PALD1: variants seen among roughly 807,000 people sequenced by gnomAD.
PALD1 encodes the protein paladin.
A neutral mutation model predicts 96.0 loss-of-function variants in PALD1; 57 were observed. That is an observed-to-expected ratio of 0.59 (90% confidence interval 0.48 to 0.74). The LOEUF (loss-of-function observed/expected upper bound fraction) is 0.74. Among genes scored for constraint, PALD1 ranks in the 30% least tolerant of loss-of-function variants. PALD1 has a pLI of 0.00. For synonymous variants in PALD1, 464 were observed against 473.6 expected, an observed-to-expected ratio of 0.98 and a Z score of 0.26; for missense variants, 1,063 against 1,143.7, an observed-to-expected ratio of 0.93 and a Z score of 1.02.
At chr10:70,554,063 G>T (rs939754090) in intron 18 of PALD1, among the ~76,000 whole-genome samples, 4 of 152,236 alleles carry the variant, frequency 2.6e-5, no homozygotes, top group Admixed American at 6.5e-5. Flanking sequence ...CTGTTCTCCA[G>T]TGTCTGCAAG....
intron 1 of PALD1, among the ~76,000 whole-genome samples, chr10:70,502,672 C>G (rs1419133384): frequency 1.1e-4 from 17 of 152,100 alleles, no homozygotes. Context: ...CCAATGTAAG[C>G]AAATACTACA....
At chr10:70,461,093 G>A in the PALD1 span, among the ~76,000 whole-genome samples, 8 of 152,084 alleles carry the variant, frequency 5.3e-5, no homozygotes, top group South Asian at 2.1e-4. Context: ...CCAGAACCCC[G>A]GCCTGCGGGC....
chr10:70,458,493 C>T, the PALD1 span, among the ~76,000 whole-genome samples: 2 of 152,154 alleles, frequency 1.3e-5, no homozygotes, highest in Non-Finnish European at 2.9e-5. Flanking sequence ...GGAAAGCGCG[C>T]GGAGGGCGAC....
intron 1 of PALD1, among the ~76,000 whole-genome samples, chr10:70,480,502 C>T (rs989109250): frequency 6.6e-6 from 1 of 152,128 alleles, no homozygotes; most frequent in Non-Finnish European, 1.5e-5. Flanking sequence ...GGGGTGGGCA[C>T]AGTAGGGCCC....
chr10:70,472,158 A>T, the PALD1 span, among the ~76,000 whole-genome samples: 20 of 151,266 alleles, frequency 1.3e-4, no homozygotes, highest in African/African-American at 3.4e-4. Flanking sequence ...CCTCACCCCC[A>T]CCTCCCTGCA....
At chr10:70,487,570 A>G (rs766253170) in intron 1 of PALD1, among the ~76,000 whole-genome samples, 3 of 152,042 alleles carry the variant, frequency 2.0e-5, no homozygotes, top group East Asian at 1.9e-4. Flanking sequence ...GGCATTTAGT[A>G]TAGTCACAAT....
chr10:70,508,204 T>G (rs1035825706), intron 1 of PALD1, among the ~76,000 whole-genome samples: 6 of 152,214 alleles, frequency 3.9e-5, no homozygotes, highest in African/African-American at 1.4e-4. Context: ...CCTTGTTGTT[T>G]ATGGAATATG....
intron 1 of PALD1, among the ~76,000 whole-genome samples, chr10:70,493,431 T>C (rs1846132047): frequency 6.6e-6 from 1 of 152,236 alleles, no homozygotes; most frequent in Admixed American, 6.5e-5. Context: ...ACATGCCACA[T>C]TGACTTCCTT....
chr10:70,564,606 C>T lies in PALD1; in HGVS notation c.2418+87C>T, dbSNP rs1847806950. On this transcript the variant is annotated intron_variant, in intron 19 of 19. Coordinates refer to ENST00000263563, the MANE Select transcript of PALD1 (RefSeq NM_014431.3). ...ACAGCCACTCAGTGCCTGTACATGG[C>T]CTGCGGGGACCCCGTGACAGGCGGG... 7 of 1,291,618 alleles carry T rather than the reference C, an allele frequency of 5.4e-6. No homozygotes were observed. The Admixed American group carries it at 1.5e-4, about 27-fold the overall frequency. 80.0% of individuals were successfully genotyped at this position (1,291,618 alleles called of 1,614,324 possible).
chr10:70,564,264 G>A (rs1847794925), intron 18 of PALD1, 100 bp from the exon 19 acceptor site: 1 of 1,274,098 alleles, frequency 7.8e-7, no homozygotes, highest in African/African-American at 1.5e-5. Context: ...CTCTGAGGCT[G>A]GATCACCCTG....
chr10:70,501,417 G>A (rs1054695250), intron 1 of PALD1, among the ~76,000 whole-genome samples: 1 of 152,208 alleles, frequency 6.6e-6, no homozygotes. Flanking sequence ...TCACTGCCCT[G>A]CAGGAGAGCG....
In PALD1 at chr10:70,566,733, G is replaced by A. The variant is rs765336889; in HGVS notation, c.2571G>A (p.Ter857=). Residue 857 remains the stop codon, a stop_retained_variant, in exon 20 of 20, where the codon TAG becomes TAA. Transcript: ENST00000263563. The stretch of plus-strand genomic sequence containing the variant: ...CCTCTGCCCCCGAGGACTTGCTGTA[G>A]GGGGCCTTACTCCCTGTCCCCCCAC... ...LEPSAPEDLL[*] 6.3e-7 allele frequency: 1 copy of A among 1,586,564 alleles called. No individual in the cohort carries two copies. The highest frequency in any genetic ancestry group is 8.6e-7 in the Non-Finnish European group (1 of 1,167,862).
At chr10:70,538,531 T>A in intron 12 of PALD1, 123 bp downstream of exon 12, 1 of 1,031,172 alleles carries the variant, frequency 9.7e-7, no homozygotes, top group Non-Finnish European at 1.4e-6. Context: ...AGAGAGGCTG[T>A]GGGTGTTGGG....
intron 1 of PALD1, among the ~76,000 whole-genome samples, chr10:70,522,115 C>T (rs1846749217): frequency 6.6e-6 from 1 of 152,178 alleles, no homozygotes; most frequent in Non-Finnish European, 1.5e-5. Flanking sequence ...AGTGGCTCAG[C>T]TTCAATGGGG....
At chr10:70,541,400 TC>T in intron 16 of PALD1, 62 bp from the exon 17 acceptor site, 5 of 1,567,508 alleles carry the variant, frequency 3.2e-6, no homozygotes, top group Non-Finnish European at 4.4e-6. Context: ...CCCCAAGTCC[TC>T]CCCAGCAAGG....
rs1847213580 is a variant in PALD1 at position 70,540,176 on chromosome 10, ATTTG to A, written c.1908+417_1908+420del. The stretch of plus-strand genomic sequence containing the variant: ...TATTCTGTTACAGGTGTGTGTGTGT[ATTTG>A]TTATAAGGTGTGTGTGTGTGTTGAG... On this transcript the variant is annotated intron_variant, in intron 15 of 19. Transcript: ENST00000263563. The surrounding 1 kb of genome is among the most constrained non-coding windows in gnomAD (Gnocchi z 4.2). Among the ~76,000 whole-genome samples the A allele has an allele frequency of 6.7e-6, 1 of 149,984 alleles. No individual in the cohort carries two copies. Among genetic ancestry groups the A allele is most frequent in the African/African-American group, 2.5e-5 (1 of 40,688 alleles).
intron 18 of PALD1, among the ~76,000 whole-genome samples, chr10:70,555,640 T>C (rs1847592010): frequency 6.6e-6 from 1 of 152,180 alleles, no homozygotes; most frequent in Admixed American, 6.5e-5. Flanking sequence ...TGAGGTCATT[T>C]CTTAAGAAAA....
chr10:70,507,648 G>A (rs7899926), intron 1 of PALD1, among the ~76,000 whole-genome samples: 23,820 of 152,104 alleles, frequency 0.16, 2,294 homozygotes, highest in Admixed American at 0.23. Context: ...TCTCGAACTT[G>A]TGGCCTCAAG....
At chr10:70,550,336 A>G (rs1488805974) in intron 18 of PALD1, among the ~76,000 whole-genome samples, 1 of 152,198 alleles carries the variant, frequency 6.6e-6, no homozygotes, top group African/African-American at 2.4e-5. Flanking sequence ...AGTGGGCTTC[A>G]GAATCACATG....
Sources: gnomAD v4.1 joint callset for allele counts (sites outside exome capture counted in the v4.1 genomes callset) on GRCh38, gnomAD v4.1.1 for gene constraint, Gnocchi (gnomAD v3.1) non-coding constraint, MANE v1.5 for transcripts, NCBI Gene and HGNC (gene_info 2026-07-23, HGNC 2026-07-21) for gene names.